Variants in GALNS observed in about 807,000 individuals in gnomAD.
GALNS encodes galactosamine (N-acetyl)-6-sulfatase.
A neutral mutation model predicts 65.9 loss-of-function variants in GALNS; 65 were observed. That is an observed-to-expected ratio of 0.99 (90% CI 0.81 to 1.21). GALNS has a LOEUF of 1.21. Ranked by LOEUF, GALNS falls within the 50% of genes most tolerant of loss-of-function variation. GALNS has a pLI of 0.00. For synonymous variants in GALNS, 346 were observed against 288.9 expected, an observed-to-expected ratio of 1.20 and a Z score of -2.00; for missense variants, 776 against 700.7, an observed-to-expected ratio of 1.11 and a Z score of -1.21.
At chr16:88,855,301 C>A in intron 1 of GALNS, 1 of 699,966 alleles carries the variant, frequency 1.4e-6, no homozygotes, top group South Asian at 1.5e-5. Flanking sequence ...CCAGCTCATC[C>A]AGCGAAGCTA....
intron 5 of GALNS, among the ~76,000 whole-genome samples, chr16:88,837,087 G>A (rs1912218367): frequency 6.6e-6 from 1 of 152,264 alleles, no homozygotes; most frequent in Non-Finnish European, 1.5e-5. Flanking sequence ...CTTCCGCCAA[G>A]AAGAGTCAAG....
chr16:88,853,947 A>G (rs1405919757), intron 1 of GALNS, among the ~76,000 whole-genome samples: 2 of 152,096 alleles, frequency 1.3e-5, no homozygotes, highest in African/African-American at 2.4e-5. Flanking sequence ...GGTCAGTGTG[A>G]CCAGTTGGAG....
intron 1 of GALNS, among the ~76,000 whole-genome samples, chr16:88,849,853 G>A (rs1270671353): frequency 6.6e-6 from 1 of 152,260 alleles, no homozygotes; most frequent in Non-Finnish European, 1.5e-5. Flanking sequence ...GAGGACAGGG[G>A]GCAGGACGCC....
At chr16:88,851,848 C>T (rs111472909) in intron 1 of GALNS, among the ~76,000 whole-genome samples, 3,744 of 152,306 alleles carry the variant, frequency 0.025, 48 homozygotes, top group African/African-American at 0.026. Flanking sequence ...GTAAACAAAG[C>T]GGCAGGGAAG....
In GALNS at chr16:88,835,866, A is replaced by G. The variant is rs1371871230; in HGVS notation, c.634-17T>C. The G allele has an allele frequency of 6.2e-7, 1 of 1,613,828 alleles. No individual in the cohort carries two copies. The highest frequency in any genetic ancestry group is 1.1e-5 in the South Asian group (1 of 91,066). ...CAGGGCTTCCTATGGAGAGAGCCAC[A>G]CCGTCGTCCTCCAGCCTCAGGCCGA... is the stretch of plus-strand genomic sequence containing the variant. On this transcript the variant is annotated splice_polypyrimidine_tract_variant and intron_variant, in intron 6 of 13. Coordinates refer to ENST00000268695, the MANE Select transcript of GALNS (RefSeq NM_000512.5).
intron 13 of GALNS, chr16:88,816,193 A>G (rs1909605801): frequency 6.1e-6 from 6 of 985,336 alleles, no homozygotes; most frequent in Non-Finnish European, 4.8e-6. Flanking sequence ...AGGAGATGGC[A>G]GTGGCAGCCA....
At chr16:88,817,174 A>G (rs1178244617) in intron 13 of GALNS, 14 of 985,424 alleles carry the variant, frequency 1.4e-5, no homozygotes, top group Non-Finnish European at 1.6e-5. Context: ...ATGCCACCCT[A>G]TGGGACCCCC....
chr16:88,836,656 G>GAA (rs915738585), intron 5 of GALNS, among the ~76,000 whole-genome samples: 10 of 122,944 alleles, frequency 8.1e-5, no homozygotes, highest in African/African-American at 2.1e-4. Flanking sequence ...CCTGTCTCAA[G>GAA]AAAAAAAAAA....
Position 88,832,377 on chromosome 16 carries a change from C to T in GALNS, c.899-276G>A, listed in dbSNP as rs75267235. ...TCAGCAAGACTCAGAGAGGTACACT[C>T]CCGCAGCAGAGGCCCTGGGTGCCAC... On this transcript the variant is annotated intron_variant, in intron 8 of 13. Coordinates refer to ENST00000268695, the MANE Select transcript of GALNS (RefSeq NM_000512.5). 0.028 allele frequency among the ~76,000 whole-genome samples: 4,228 copies of T among 152,306 alleles called. 78 individuals carry two copies. Among genetic ancestry groups the T allele is most frequent in the Non-Finnish European group, 0.045 (3,044 of 68,014 alleles).
chr16:88,821,800 T>C (rs1044148648), intron 12 of GALNS, among the ~76,000 whole-genome samples: 2 of 152,144 alleles, frequency 1.3e-5, no homozygotes, highest in Non-Finnish European at 2.9e-5. Context: ...TGGTTCTGCC[T>C]CTGCACGCCA....
At chr16:88,823,918 G>A (rs570471780) in intron 11 of GALNS, among the ~76,000 whole-genome samples, 56 of 152,294 alleles carry the variant, frequency 3.7e-4, no homozygotes, top group Admixed American at 1.4e-3. Flanking sequence ...GGTAAAACCC[G>A]AAAGAAGAGC....
intron 9 of GALNS, among the ~76,000 whole-genome samples, chr16:88,830,670 A>G (rs1911407333): frequency 6.6e-6 from 1 of 152,370 alleles, no homozygotes; most frequent in Non-Finnish European, 1.5e-5. Context: ...GTGATTCTCA[A>G]CCGAGGGGCA....
intron 13 of GALNS, chr16:88,816,129 T>C: frequency 1.0e-6 from 1 of 984,300 alleles, no homozygotes; most frequent in African/African-American, 1.8e-5. Flanking sequence ...AGTTGGCACT[T>C]TTCCCCCTGC....
chr16:88,828,959 T>C (rs368532757), intron 9 of GALNS, among the ~76,000 whole-genome samples: 2 of 151,484 alleles, frequency 1.3e-5, no homozygotes, highest in Admixed American at 6.6e-5. Context: ...CCGAGTCTCA[T>C]GCCATCGTCT....
chr16:88,848,136 C>T (rs1567542616), intron 1 of GALNS, among the ~76,000 whole-genome samples: 1 of 152,192 alleles, frequency 6.6e-6, no homozygotes, highest in Non-Finnish European at 1.5e-5. Context: ...TCAGAAAAGG[C>T]AGATCCTTAG....
chr16:88,853,672 A>G (rs1406628627), intron 1 of GALNS, among the ~76,000 whole-genome samples: 2 of 152,194 alleles, frequency 1.3e-5, no homozygotes, highest in South Asian at 4.1e-4. Context: ...CCTGTCTCCA[A>G]GGCCCCAGAA....
chr16:88,841,809 C>T, intron 3 of GALNS, 88 bp downstream of exon 3: 3 of 1,218,282 alleles, frequency 2.5e-6, no homozygotes, highest in Non-Finnish European at 3.6e-6. Flanking sequence ...AGCTTGCCAC[C>T]CGAGTCCCGG....
chr16:88,823,745 G>T (rs1910501098), intron 11 of GALNS, among the ~76,000 whole-genome samples: 1 of 145,364 alleles, frequency 6.9e-6, no homozygotes, highest in African/African-American at 2.6e-5. Context: ...AATGCCCGGG[G>T]AACGATGCCC....
At chr16:88,835,627 A>T in intron 7 of GALNS, 98 bp downstream of exon 7, 1 of 1,570,756 alleles carries the variant, frequency 6.4e-7, no homozygotes, top group Non-Finnish European at 8.7e-7. Flanking sequence ...GCCTTTCCAT[A>T]ATTGGCCTAA....
Sources: gnomAD v4.1 joint callset for allele counts (sites outside exome capture counted in the v4.1 genomes callset) on GRCh38, gnomAD v4.1.1 for gene constraint, MANE v1.5 for transcripts, NCBI Gene and HGNC (gene_info 2026-07-23, HGNC 2026-07-21) for gene names.